The following PCDHA8 variants were observed in gnomAD, a reference collection of about 807,000 sequenced individuals.
PCDHA8 encodes protocadherin alpha 8.
Under a neutral mutation model 61.8 loss-of-function variants are expected in PCDHA8, and 53 were observed. The observed-to-expected ratio is 0.86, with a 90% CI of 0.69 to 1.08. The LOEUF (loss-of-function observed/expected upper bound fraction) is 1.08. Among genes scored for constraint, PCDHA8 ranks in the 50% least tolerant of loss-of-function variants. The probability of loss-of-function intolerance (pLI) is 0.00; values close to 1 mark genes in which losing one functional copy is unlikely to be tolerated. For missense variants in PCDHA8, 1,293 were observed against 1,245.0 expected (o/e 1.04, Z -0.58); for synonymous variants, 618 against 556.6 (o/e 1.11, Z -1.55).
intron 1 of PCDHA8, chr5:140,869,037 C>A: frequency 1.3e-6 from 2 of 1,528,404 alleles, no homozygotes; most frequent in South Asian, 2.6e-5. Context: ...AGATTTTTAA[C>A]CTGAAACTGA....
At chr5:140,872,400 G>A (rs1582078480) in intron 1 of PCDHA8, among the ~76,000 whole-genome samples, 1 of 152,124 alleles carries the variant, frequency 6.6e-6, no homozygotes, top group Admixed American at 6.5e-5. Context: ...GCTGAGGCAG[G>A]AGAATTGCTT....
rs901766941 is a variant in PCDHA8 at position 140,982,266 on chromosome 5, G to A, written c.2454-209G>A. The A allele has an allele frequency of 6.1e-5, 54 of 879,038 alleles. No homozygotes were observed. In the African/African-American group the frequency reaches 7.6e-4, roughly 12 times the overall value. The allele number at this position is 879,038 out of a possible 1,614,324, so 54.5% of individuals were successfully genotyped here. ...TAAAGATAGAACATGTGTGTTCCTG[G>A]AATAGTATAGCAGGCAATAAGTAAG... On this transcript the variant is annotated intron_variant, in intron 2 of 3. Coordinates refer to ENST00000531613, the MANE Select transcript of PCDHA8 (RefSeq NM_018911.3).
intron 1 of PCDHA8, chr5:140,884,171 C>A: frequency 6.2e-7 from 1 of 1,613,414 alleles, no homozygotes; most frequent in Non-Finnish European, 8.5e-7. Flanking sequence ...CAGCACGACG[C>A]GCCCTCTGGA....
intron 2 of PCDHA8, among the ~76,000 whole-genome samples, chr5:140,979,327 C>T (rs1446940311): frequency 5.9e-5 from 9 of 152,078 alleles, no homozygotes; most frequent in African/African-American, 2.2e-4. Context: ...CTTTCTTTTC[C>T]TCCTTTAAAA....
At chr5:141,005,500 G>A (rs954556024) in intron 3 of PCDHA8, among the ~76,000 whole-genome samples, 2 of 151,574 alleles carry the variant, frequency 1.3e-5, no homozygotes, top group East Asian at 1.9e-4. Flanking sequence ...TCAGGAGATC[G>A]AGACCATCCT....
chr5:140,858,871 T>A (rs1000901337), intron 1 of PCDHA8: 6 of 248,826 alleles, frequency 2.4e-5, no homozygotes, highest in African/African-American at 1.2e-4. Context: ...TGAAAATGTG[T>A]TTTCCTCCAT....
At chr5:140,923,966 C>T (rs1422839186) in intron 1 of PCDHA8, among the ~76,000 whole-genome samples, 3 of 152,188 alleles carry the variant, frequency 2.0e-5, no homozygotes, top group Non-Finnish European at 4.4e-5. Flanking sequence ...AATCTATACC[C>T]ACACATACTA....
chr5:140,928,551 G>C, intron 1 of PCDHA8: 1 of 1,614,164 alleles, frequency 6.2e-7, no homozygotes, highest in Non-Finnish European at 8.5e-7. Context: ...ACAATTATCC[G>C]GTTATCTTGT....
chr5:140,945,992 G>T (rs1271634546), intron 1 of PCDHA8, among the ~76,000 whole-genome samples: 1 of 151,978 alleles, frequency 6.6e-6, no homozygotes, highest in Non-Finnish European at 1.5e-5. Flanking sequence ...CTAATGGATT[G>T]CATCAAACTA....
At position 141,010,922 on chromosome 5, in the gene PCDHA8, A is replaced by G. The variant is rs1263879494; in HGVS notation, c.*985A>G. The G allele has an allele frequency of 5.2e-5, 8 of 153,814 alleles. No homozygotes were observed. Among genetic ancestry groups the G allele is most frequent in the African/African-American group, 1.9e-4 (8 of 41,474 alleles). The allele number at this position is 153,814 out of a possible 1,614,324, so 9.5% of individuals were successfully genotyped here. A position where few individuals can be genotyped will look rare whatever the true frequency, so the allele number is the denominator to read the frequency against. ...TTCCCCTAAACTCTCCTCAAAAGAG[A>G]ATTCAGTCTACAGCCATTTAAATGA... On this transcript the variant is annotated 3_prime_UTR_variant, in exon 4 of 4. Transcript: ENST00000531613.
chr5:140,952,444 A>C (rs2094747203), intron 1 of PCDHA8, among the ~76,000 whole-genome samples: 2 of 152,178 alleles, frequency 1.3e-5, no homozygotes. Flanking sequence ...GGCATAATAC[A>C]GCCAGGCTCT....
chr5:140,942,669 A>G (rs2093352340), intron 1 of PCDHA8, among the ~76,000 whole-genome samples: 1 of 152,212 alleles, frequency 6.6e-6, no homozygotes, highest in South Asian at 2.1e-4. Flanking sequence ...AATAAGCACA[A>G]AAGTTTTAGG....
At chr5:140,900,538 A>G (rs1341812228) in intron 1 of PCDHA8, among the ~76,000 whole-genome samples, 1 of 152,162 alleles carries the variant, frequency 6.6e-6, no homozygotes, top group Non-Finnish European at 1.5e-5. Context: ...CGGCTTTCCA[A>G]AGTGCTGGGA....
chr5:140,941,876 C>T (rs1293978062), intron 1 of PCDHA8, among the ~76,000 whole-genome samples: 1 of 152,166 alleles, frequency 6.6e-6, no homozygotes, highest in Non-Finnish European at 1.5e-5. Flanking sequence ...GTTCTATCAC[C>T]AGTGACTAGC....
At chr5:140,856,242 T>C (rs1202551683) in intron 1 of PCDHA8, 3 of 1,597,874 alleles carry the variant, frequency 1.9e-6, no homozygotes, top group Admixed American at 1.7e-5. Flanking sequence ...CTGTTCCGGG[T>C]GGCGTCCAAA....
At chr5:140,895,292 C>A (rs1032250917) in intron 1 of PCDHA8, among the ~76,000 whole-genome samples, 2 of 152,044 alleles carry the variant, frequency 1.3e-5, no homozygotes. Context: ...TTAGGACCTT[C>A]GATTTCCCCC....
At chr5:140,989,444 T>C (rs2097342711) in intron 3 of PCDHA8, among the ~76,000 whole-genome samples, 1 of 152,130 alleles carries the variant, frequency 6.6e-6, no homozygotes, top group South Asian at 2.1e-4. Context: ...CTGAGGTTGT[T>C]TAGAATTGTT....
chr5:140,993,281 C>T (rs2097548459), intron 3 of PCDHA8, among the ~76,000 whole-genome samples: 1 of 152,102 alleles, frequency 6.6e-6, no homozygotes. Flanking sequence ...TCTTTTCTTG[C>T]CCAGGGTCAC....
intron 1 of PCDHA8, among the ~76,000 whole-genome samples, chr5:140,919,944 A>T (rs1554199311): frequency 6.6e-6 from 1 of 151,622 alleles, no homozygotes; most frequent in Non-Finnish European, 1.5e-5. Flanking sequence ...AATTCCAGTG[A>T]AAAGTTTGTT....
Sources: allele counts gnomAD v4.1 joint callset (sites outside exome capture counted in the v4.1 genomes callset), GRCh38; gene constraint gnomAD v4.1.1; transcripts MANE v1.5; gene names NCBI Gene and HGNC (gene_info 2026-07-23, HGNC 2026-07-21).